The following TMLHE variants were observed in gnomAD, a reference collection of about 807,000 sequenced individuals.
The protein encoded by TMLHE is trimethyllysine hydroxylase, epsilon, also known as trimethyllysine dioxygenase, mitochondrial.
TMLHE carries 18 observed loss-of-function variants against 25.7 expected under a neutral mutation model. The ratio of observed to expected loss-of-function variants is 0.70; its 90% CI spans 0.48 to 1.04. The LOEUF is 1.04. TMLHE is among the 50% of genes least tolerant of loss of function. TMLHE has a pLI of 0.00. For synonymous variants in TMLHE, 105 were observed against 97.0 expected, an observed-to-expected ratio of 1.08 and a Z score of -0.49; for missense variants, 236 against 259.0, an observed-to-expected ratio of 0.91 and a Z score of 0.61.
chrX:155,535,874 C>T (rs1012577890), intron 2 of TMLHE, among the ~76,000 whole-genome samples: 48 of 112,067 alleles, frequency 4.3e-4, no homozygotes, highest in African/African-American at 1.5e-3. Flanking sequence ...AATGTGGCCC[C>T]GGCTAACCTC....
chrX:155,513,327 T>G (rs1307522234), intron 4 of TMLHE, among the ~76,000 whole-genome samples: 1 of 111,580 alleles, frequency 9.0e-6, no homozygotes, highest in East Asian at 2.8e-4. Context: ...CCTGGGCTAT[T>G]TGAATTCAAG....
chrX:155,515,040 T>TA, intron 3 of TMLHE, among the ~76,000 whole-genome samples: 1 of 110,855 alleles, frequency 9.0e-6, no homozygotes, highest in Non-Finnish European at 1.9e-5. Context: ...CTCCCCTTGG[T>TA]AAAAAAGTAT....
chrX:155,586,235 A>G (rs2067663606), intron 1 of TMLHE, among the ~76,000 whole-genome samples: 1 of 110,376 alleles, frequency 9.1e-6, no homozygotes, highest in African/African-American at 3.3e-5. Flanking sequence ...TCAAAAAAAA[A>G]AAAAAAATCC....
chrX:155,525,099 T>A (rs782338930), intron 2 of TMLHE, among the ~76,000 whole-genome samples: 13 of 111,421 alleles, frequency 1.2e-4, no homozygotes, highest in Admixed American at 8.5e-4. Context: ...CATAGGTGCG[T>A]AGAGGATATA....
At chrX:155,541,159 C>CATT (rs2067308514) in intron 2 of TMLHE, among the ~76,000 whole-genome samples, 1 of 110,885 alleles carries the variant, frequency 9.0e-6, no homozygotes, top group African/African-American at 3.3e-5. Flanking sequence ...AACCTGTCAT[C>CATT]TACATTAGGT....
chrX:155,608,888 A>G (rs1443103676), intron 1 of TMLHE, among the ~76,000 whole-genome samples: 2 of 112,104 alleles, frequency 1.8e-5, no homozygotes, highest in Non-Finnish European at 3.8e-5. Flanking sequence ...AGTCAAAAAT[A>G]ACAGATGTTG....
At chrX:155,531,019 G>A (rs2067246577) in intron 2 of TMLHE, among the ~76,000 whole-genome samples, 1 of 112,309 alleles carries the variant, frequency 8.9e-6, no homozygotes, top group Non-Finnish European at 1.9e-5. Flanking sequence ...TATATAGGGA[G>A]TGAGAAAGCT....
intron 1 of TMLHE, among the ~76,000 whole-genome samples, chrX:155,597,002 A>G (rs910952834): frequency 1.8e-4 from 19 of 104,395 alleles, no homozygotes; most frequent in Non-Finnish European, 3.3e-4. Flanking sequence ...AGCGTTAGGT[A>G]TATCTCCTAA....
rs1158793245 is a variant in TMLHE at position 155,609,290 on chromosome X, G to A, written c.-2+3502C>T. ...TTCTAAGCAAAGTAACACAGGAACA[G>A]AAAACCAAACACCACATGTTCTCAT... On this transcript the variant is annotated intron_variant, in intron 1 of 7. Transcript: ENST00000334398. 2.7e-5 allele frequency among the ~76,000 whole-genome samples: 3 copies of A among 111,722 alleles called. No individual in the cohort carries two copies. In the East Asian group the frequency reaches 8.4e-4, roughly 31 times the overall value.
intron 2 of TMLHE, among the ~76,000 whole-genome samples, chrX:155,532,120 C>G (rs1258037199): frequency 2.7e-5 from 3 of 111,542 alleles, no homozygotes; most frequent in African/African-American, 9.8e-5. Flanking sequence ...CAAAAATATG[C>G]AACAATTCCT....
chrX:155,506,658 T>A (rs1011652741), intron 6 of TMLHE, among the ~76,000 whole-genome samples: 17 of 111,378 alleles, frequency 1.5e-4, no homozygotes, highest in African/African-American at 5.2e-4. Context: ...TGTTTTCATT[T>A]AAAAAATACT....
intron 5 of TMLHE, among the ~76,000 whole-genome samples, chrX:155,509,063 C>T (rs1456870296): frequency 3.6e-5 from 4 of 110,572 alleles, no homozygotes; most frequent in African/African-American, 6.6e-5. Flanking sequence ...AGATCCAGAG[C>T]AAAGATAGCT....
At chrX:155,540,620 A>G in intron 2 of TMLHE, among the ~76,000 whole-genome samples, 1 of 111,547 alleles carries the variant, frequency 9.0e-6, no homozygotes, top group East Asian at 2.8e-4. Flanking sequence ...ATAAAGGTTT[A>G]TTGTGTAGAA....
At chrX:155,556,616 G>C (rs1206488095) in intron 1 of TMLHE, among the ~76,000 whole-genome samples, 5 of 109,259 alleles carry the variant, frequency 4.6e-5, no homozygotes, top group African/African-American at 9.9e-5. Flanking sequence ...AGTGGAGGCA[G>C]GGCGAGATCA....
intron 1 of TMLHE, among the ~76,000 whole-genome samples, chrX:155,607,684 T>C (rs2067794851): frequency 8.9e-6 from 1 of 112,077 alleles, no homozygotes; most frequent in Non-Finnish European, 1.9e-5. Context: ...AAAAATCTCC[T>C]AGATCATATC....
chrX:155,545,267 G>A lies in TMLHE; in HGVS notation c.10C>T (p.His4Tyr). ...CTGCTGTGTAGGTGGGACAATCTGT[G>A]GTACCACATCCTAGAAGATTGGATA... MWY[H>Y]RLSHLHSRLQ... The change falls in exon 2 of 8, where the codon CAC becomes TAC. Residue 4 changes from histidine to tyrosine, a missense_variant. Coordinates refer to ENST00000334398, the MANE Select transcript of TMLHE (RefSeq NM_018196.4). 8.4e-7 allele frequency: 1 copy of A among 1,188,617 alleles called. No individual in the cohort carries two copies. Among genetic ancestry groups the A allele is most frequent in the Non-Finnish European group, 1.1e-6 (1 of 885,805 alleles).
rs1302874459 is a variant in TMLHE, at chrX:155,573,175, T to C, written c.-1-27898A>G. ...ACCCCATCAAAAAGTGGGCGAAGGA[T>C]ATGAACAGACACTTCTCAAAAGAAG... On this transcript the variant is annotated intron_variant, in intron 1 of 7. Transcript: ENST00000334398. 3.7e-3 allele frequency among the ~76,000 whole-genome samples: 210 copies of C among 57,369 alleles called. 38 individuals are homozygous for C. Among genetic ancestry groups the C allele is most frequent in the African/African-American group, 8.4e-3 (204 of 24,178 alleles). The allele number at this position is 57,369 out of a possible 115,157, so 49.8% of individuals were successfully genotyped here. A position where few individuals can be genotyped will look rare whatever the true frequency, so the allele number is the denominator to read the frequency against.
chrX:155,553,468 T>A lies in TMLHE; in HGVS notation c.-1-8191A>T, dbSNP rs782310633. ...CTACCTTAAAGTCACCTTTGTCTGG[T>A]ATTAATATAGCTATATCAGCTTTCT... On this transcript the variant is annotated intron_variant, in intron 1 of 7. Coordinates refer to ENST00000334398, the MANE Select transcript of TMLHE (RefSeq NM_018196.4). Among the ~76,000 whole-genome samples, 8 of 110,125 alleles carry A rather than the reference T, an allele frequency of 7.3e-5. No homozygotes were observed. The South Asian group carries it at 1.9e-3, about 27-fold the overall frequency.
chrX:155,556,641 GGAAGC>G (rs1569562142), intron 1 of TMLHE, among the ~76,000 whole-genome samples: 23 of 108,014 alleles, frequency 2.1e-4, no homozygotes, highest in African/African-American at 7.3e-4. Flanking sequence ...ACCACAGGAC[GGAAGC>G]GAAATTAAAA....
Sources: allele counts gnomAD v4.1 joint callset (sites outside exome capture counted in the v4.1 genomes callset), GRCh38; gene constraint gnomAD v4.1.1; transcripts MANE v1.5; gene names NCBI Gene and HGNC (gene_info 2026-07-23, HGNC 2026-07-21).